Variants in KCND3 observed in about 807,000 individuals in gnomAD.
The protein encoded by KCND3 is potassium voltage-gated channel subfamily D member 3, also known as A-type voltage-gated potassium channel KCND3.
In KCND3, 9 loss-of-function variants were observed where a neutral mutation model predicts 51.1. The observed-to-expected ratio is 0.18, with a 90% CI of 0.11 to 0.31. The LOEUF (loss-of-function observed/expected upper bound fraction) is 0.31. KCND3 is among the 10% of genes least tolerant of loss of function. KCND3 has a pLI of 1.00. For missense variants in KCND3, 526 were observed against 903.8 expected (o/e 0.58, Z 5.36); for synonymous variants, 349 against 368.0 (o/e 0.95, Z 0.59).
In KCND3 at chr1:111,880,218, G is replaced by T. The variant is rs185177312; in HGVS notation, c.1107-93112C>A. 4.6e-5 allele frequency among the ~76,000 whole-genome samples: 7 copies of T among 152,254 alleles called. No homozygotes were observed. In the South Asian group the frequency reaches 1.2e-3, roughly 27 times the overall value. ...ATAATAATATAGGGAGATCCTAAACGTTCTGATTTCAGACCTGACCCATTG... is the reference window on the plus strand; with the variant it reads ...ATAATAATATAGGGAGATCCTAAACTTTCTGATTTCAGACCTGACCCATTG... On this transcript the variant is annotated intron_variant, in intron 2 of 7. Transcript: ENST00000302127.
At chr1:111,799,286 G>A (rs554087756) in intron 2 of KCND3, among the ~76,000 whole-genome samples, 6 of 151,984 alleles carry the variant, frequency 3.9e-5, no homozygotes, top group South Asian at 2.1e-4. Context: ...AACACTTCAG[G>A]TACTAGAATT....
At chr1:111,909,805 T>C (rs1670844729) in intron 2 of KCND3, 1 of 152,218 alleles carries the variant, frequency 6.6e-6, no homozygotes, top group Admixed American at 6.5e-5. Flanking sequence ...TTTTTCACCT[T>C]TATGAGATGG....
intron 2 of KCND3, among the ~76,000 whole-genome samples, chr1:111,882,523 T>G (rs1229655159): frequency 1.3e-5 from 2 of 151,444 alleles, no homozygotes; most frequent in Non-Finnish European, 2.9e-5. Context: ...GCTTTGGGGG[T>G]GTGTGTGAAG....
chr1:111,973,898 C>T (rs906739489), intron 2 of KCND3, among the ~76,000 whole-genome samples: 3 of 152,206 alleles, frequency 2.0e-5, no homozygotes, highest in African/African-American at 7.2e-5. Context: ...AAGGAGGCGT[C>T]CCCAGCCTCA....
At chr1:111,833,407 A>G (rs976720696) in intron 2 of KCND3, among the ~76,000 whole-genome samples, 1 of 152,266 alleles carries the variant, frequency 6.6e-6, no homozygotes, top group Admixed American at 6.5e-5. Context: ...AATGAAGCCC[A>G]TAGGGGCAGT....
intron 2 of KCND3, among the ~76,000 whole-genome samples, chr1:111,867,327 G>A (rs976421439): frequency 6.9e-6 from 1 of 145,000 alleles, no homozygotes; most frequent in African/African-American, 2.9e-5. Context: ...GATGCAAATA[G>A]AACTAAACAT....
At chr1:111,844,822 GTACAC>G (rs1667477026) in intron 2 of KCND3, among the ~76,000 whole-genome samples, 1 of 152,078 alleles carries the variant, frequency 6.6e-6, no homozygotes, top group Non-Finnish European at 1.5e-5. Flanking sequence ...AATCCTGCTG[GTACAC>G]CCAGCATCTT....
At chr1:111,866,334 G>C (rs1043309007) in intron 2 of KCND3, among the ~76,000 whole-genome samples, 2 of 141,618 alleles carry the variant, frequency 1.4e-5, no homozygotes, top group Non-Finnish European at 3.0e-5. Flanking sequence ...GGGCGATCTA[G>C]GTTCACTCCA....
intron 2 of KCND3, among the ~76,000 whole-genome samples, chr1:111,963,237 A>C (rs1673768593): frequency 6.6e-6 from 1 of 152,240 alleles, no homozygotes; most frequent in Non-Finnish European, 1.5e-5. Flanking sequence ...TCAGGGGTAG[A>C]TTGTTATACA....
In KCND3 at chr1:111,866,579, AACACACACACACAC is replaced by A. The variant is rs771342858; in HGVS notation, c.1107-79487_1107-79474del. ...TGTGCCTGACCTGTTTGTTTCTTTA[AACACACACACACAC>A]ACACACACACACACACACACACACA... On this transcript the variant is annotated intron_variant, in intron 2 of 7. Coordinates refer to ENST00000302127, the MANE Select transcript of KCND3 (RefSeq NM_001378969.1). Among the ~76,000 whole-genome samples the A allele has an allele frequency of 2.4e-4, 30 of 126,818 alleles. No individual in the cohort carries two copies. The South Asian group carries it at 4.1e-3, about 17-fold the overall frequency. The allele number at this position is 126,818 out of a possible 152,430, so 83.2% of individuals were successfully genotyped here.
chr1:111,860,729 A>G (rs1279916826), intron 2 of KCND3, among the ~76,000 whole-genome samples: 1 of 152,232 alleles, frequency 6.6e-6, no homozygotes, highest in Non-Finnish European at 1.5e-5. Context: ...GTCCTTGCCC[A>G]TGACAAGTGA....
At chr1:111,873,327 A>G (rs1016219215) in intron 2 of KCND3, among the ~76,000 whole-genome samples, 1 of 152,226 alleles carries the variant, frequency 6.6e-6, no homozygotes, top group African/African-American at 2.4e-5. Flanking sequence ...CAAACGTGGC[A>G]CCAGCCCTCC....
At chr1:111,794,736 C>T (rs1226303022) in intron 2 of KCND3, among the ~76,000 whole-genome samples, 16 of 152,168 alleles carry the variant, frequency 1.1e-4, no homozygotes, top group Non-Finnish European at 1.2e-4. Flanking sequence ...ATGGAAGACA[C>T]CAAAAATACC....
At chr1:111,943,269 C>T (rs1672614551) in intron 2 of KCND3, among the ~76,000 whole-genome samples, 1 of 152,194 alleles carries the variant, frequency 6.6e-6, no homozygotes, top group African/African-American at 2.4e-5. Flanking sequence ...GCAAATAGGG[C>T]AGAGGGGCCC....
intron 2 of KCND3, among the ~76,000 whole-genome samples, chr1:111,835,562 T>A (rs1667031255): frequency 6.6e-6 from 1 of 152,198 alleles, no homozygotes; most frequent in Admixed American, 6.5e-5. Flanking sequence ...GCAATGAAAG[T>A]GACCTCTGGT....
intron 2 of KCND3, among the ~76,000 whole-genome samples, chr1:111,835,536 G>C (rs1667030252): frequency 6.6e-6 from 1 of 152,168 alleles, no homozygotes; most frequent in African/African-American, 2.4e-5. Flanking sequence ...TAAAGAAGCT[G>C]GCCAAAACCA....
At chr1:111,905,007 G>T (rs888777575) in intron 2 of KCND3, among the ~76,000 whole-genome samples, 2 of 152,184 alleles carry the variant, frequency 1.3e-5, no homozygotes, top group Non-Finnish European at 2.9e-5. Context: ...TATTCACGCC[G>T]GAAGTCCATG....
chr1:111,892,043 C>T (rs376945160), intron 2 of KCND3, among the ~76,000 whole-genome samples: 1 of 151,918 alleles, frequency 6.6e-6, no homozygotes, highest in Admixed American at 6.6e-5. Context: ...AAAACTGTGT[C>T]GTCAGTCTTA....
intron 2 of KCND3, among the ~76,000 whole-genome samples, chr1:111,829,196 G>C (rs1372308285): frequency 6.6e-6 from 1 of 152,200 alleles, no homozygotes; most frequent in Non-Finnish European, 1.5e-5. Flanking sequence ...CAGGCTGTGT[G>C]GTTGTGCGGT....
Sources: gnomAD v4.1 joint callset for allele counts (sites outside exome capture counted in the v4.1 genomes callset) on GRCh38, gnomAD v4.1.1 for gene constraint, MANE v1.5 for transcripts, NCBI Gene and HGNC (gene_info 2026-07-23, HGNC 2026-07-21) for gene names.